The following FAM200A variants were observed in gnomAD, a reference collection of about 807,000 sequenced individuals.
FAM200A encodes the protein protein FAM200A.
A neutral mutation model predicts 44.2 loss-of-function variants in FAM200A; 26 were observed. That is an observed-to-expected ratio of 0.59 (90% confidence interval 0.43 to 0.82). The LOEUF is 0.82. Ranked by LOEUF, FAM200A falls within the 40% of genes least tolerant of loss-of-function variation. FAM200A has a pLI of 0.00. For synonymous variants in FAM200A, 206 were observed against 244.4 expected, an observed-to-expected ratio of 0.84 and a Z score of 1.47; for missense variants, 606 against 669.5, an observed-to-expected ratio of 0.91 and a Z score of 1.05.
In FAM200A at chr7:99,547,060, T is replaced by A. The variant is rs775568956; in HGVS notation, c.1348A>T (p.Ile450Phe). The A allele has an allele frequency of 1.3e-6, 2 of 1,545,838 alleles. No homozygotes were observed. The highest frequency in any genetic ancestry group is 1.7e-6 in the Non-Finnish European group (2 of 1,145,722). The change falls in exon 2 of 2, where the codon ATT (isoleucine) becomes TTT (phenylalanine). Residue 450 changes from isoleucine to phenylalanine, a missense_variant. Physicochemically the swap from Ile to Phe is conservative, Grantham distance 21 (BLOSUM62 0). Coordinates refer to ENST00000449309, the MANE Select transcript of FAM200A (RefSeq NM_145111.4). ...EEKFESLKEN[I>F]WMKDPFAFQN... ...AAAGCAAATGGATCTTTCATCCAAA[T>A]ATTTTCCTTTAATGATTCAAATTTC...
chr7:99,547,092 G>A lies in FAM200A; in HGVS notation c.1316C>T (p.Pro439Leu), dbSNP rs780218510. Residue 439 changes from proline to leucine, a missense_variant, in exon 2 of 2, where the codon CCG becomes CTG. Physicochemically the swap from Pro to Leu is moderately conservative, Grantham distance 98. Transcript: ENST00000449309. ...SLSQTFNYYF[P>L]EEKFESLKEN... is the part of the protein sequence containing the mutation. ...CTTTAATGATTCAAATTTCTCTTCC[G>A]GAAAGTAATAATTAAAAGTTTGAGA... The A allele has an allele frequency of 2.9e-5, 45 of 1,546,476 alleles. No individual in the cohort carries two copies. Among genetic ancestry groups the A allele is most frequent in the Non-Finnish European group, 3.7e-5 (42 of 1,145,768 alleles).
At position 99,547,074 on chromosome 7, in the gene FAM200A, G is replaced by T; in HGVS notation, c.1334C>A (p.Ser445Ter). The T allele has an allele frequency of 6.5e-7, 1 of 1,546,438 alleles. No homozygotes were observed. The change falls in exon 2 of 2, where the codon TCA becomes TAA. Residue 445 changes from serine to a stop codon, truncating the protein, a stop_gained. Coordinates refer to ENST00000449309, the MANE Select transcript of FAM200A (RefSeq NM_145111.4). LOFTEE classifies it high-confidence loss of function. Reference protein sequence around the residue: ...NYYFPEEKFESLKENIWMKDP... With the variant: ...NYYFPEEKFE ...TTTCATCCAAATATTTTCCTTTAAT[G>T]ATTCAAATTTCTCTTCCGGAAAGTA... is the stretch of plus-strand genomic sequence containing the variant.
Position 99,546,696 on chromosome 7 carries a change from G to A in FAM200A, c.1712C>T (p.Pro571Leu), listed in dbSNP as rs1244627882. ...WKELMNRQAH[P>L]SH ...TTGTAAAGTTTGTATTTAATGTGATGGGTGTGCTTGTCTGTTCATAAGTTC... is the reference window on the plus strand; with the variant it reads ...TTGTAAAGTTTGTATTTAATGTGATAGGTGTGCTTGTCTGTTCATAAGTTC... The change falls in exon 2 of 2, where the codon CCA (proline) becomes CTA (leucine). Residue 571 changes from proline (P) to leucine (L), a missense_variant. Physicochemically the swap from Pro to Leu is moderately conservative, Grantham distance 98 (BLOSUM62 -3). Coordinates refer to ENST00000449309, the MANE Select transcript of FAM200A (RefSeq NM_145111.4). 1.3e-6 allele frequency: 2 copies of A among 1,520,070 alleles called. No homozygotes were observed. Among genetic ancestry groups the A allele is most frequent in the Non-Finnish European group, 1.8e-6 (2 of 1,135,056 alleles). The allele number at this position is 1,520,070 out of a possible 1,614,324, so 94.2% of individuals were successfully genotyped here.
At chr7:99,554,246 TGAG>T (rs1802632906), upstream of FAM200A, among the ~76,000 whole-genome samples, 1 of 152,004 alleles carries the variant, frequency 6.6e-6, no homozygotes, top group Admixed American at 6.6e-5. Flanking sequence ...TTTGGGAGGC[TGAG>T]GTGGGTGGAT....
chr7:99,546,776 G>T lies in FAM200A; in HGVS notation c.1632C>A (p.Leu544=). Residue 544 remains leucine, a synonymous_variant, in exon 2 of 2, where the codon CTC becomes CTA. Coordinates refer to ENST00000449309, the MANE Select transcript of FAM200A (RefSeq NM_145111.4). ...TRLKTKKRNR[L]NSAPDMRVAL... is the part of the protein sequence containing the mutation. ...CTACCCGCATATCTGGTGCACTATT[G>T]AGCCTATTTCTCTTCTTTGTTTTTA... 6.4e-7 allele frequency: 1 copy of T among 1,551,564 alleles called. No homozygotes were observed. The highest frequency in any genetic ancestry group is 8.7e-7 in the Non-Finnish European group (1 of 1,146,966).
chr7:99,546,664 C>A lies in FAM200A; in HGVS notation c.*22G>T. 2 of 1,486,432 alleles carry A rather than the reference C, an allele frequency of 1.3e-6. No homozygotes were observed. Among genetic ancestry groups the A allele is most frequent in the Non-Finnish European group, 1.8e-6 (2 of 1,119,516 alleles). The allele number at this position is 1,486,432 out of a possible 1,614,324, so 92.1% of individuals were successfully genotyped here. ...GTAAGCCACCACACCTGGCTATACACAGAATTTTGTAAAGTTTGTATTTAA... is the reference window on the plus strand; with the variant it reads ...GTAAGCCACCACACCTGGCTATACAAAGAATTTTGTAAAGTTTGTATTTAA... On this transcript the variant is annotated 3_prime_UTR_variant, in exon 2 of 2. Transcript: ENST00000449309.
chr7:99,552,084 CCTGGCCTT>C lies in FAM200A; in HGVS notation c.-338_-331del. 1 of 985,508 alleles carries C rather than the reference CCTGGCCTT, an allele frequency of 1.0e-6. No homozygotes were observed. Among genetic ancestry groups the C allele is most frequent in the Middle Eastern group, 5.2e-4 (1 of 1,914 alleles). The allele number at this position is 985,508 out of a possible 1,614,324, so 61.0% of individuals were successfully genotyped here. A position where few individuals can be genotyped will look rare whatever the true frequency, so the allele number is the denominator to read the frequency against. ...GAGCACTAGACTCACATCCAAGCCC[CCTGGCCTT>C]CAGAGCCCAGGGAAAGCGTCACAAA... On this transcript the variant is annotated 5_prime_UTR_variant, in exon 1 of 2. Coordinates refer to ENST00000449309, the MANE Select transcript of FAM200A (RefSeq NM_145111.4).
chr7:99,552,166 G>T (rs564359238), upstream of FAM200A: 140 of 985,448 alleles, frequency 1.4e-4, no homozygotes, highest in Middle Eastern at 1.6e-3. Flanking sequence ...TCCGCTTCGG[G>T]GTCCTCTCTA....
At chr7:99,556,473 A>C (rs1802678538), upstream of FAM200A, among the ~76,000 whole-genome samples, 2 of 152,194 alleles carry the variant, frequency 1.3e-5, no homozygotes, top group Non-Finnish European at 2.9e-5. Flanking sequence ...ATTTATAAAA[A>C]ATCAGCTATT....
At chr7:99,557,657 G>A (rs1176100587) in intron 1 of FAM200A, among the ~76,000 whole-genome samples, 2 of 152,144 alleles carry the variant, frequency 1.3e-5, no homozygotes, top group Non-Finnish European at 2.9e-5. Context: ...AATTTAGGTT[G>A]GATAAATGAT....
upstream of FAM200A, among the ~76,000 whole-genome samples, chr7:99,555,474 G>A (rs568058374): frequency 7.8e-4 from 119 of 152,216 alleles, no homozygotes; most frequent in Non-Finnish European, 1.3e-3. Context: ...CCTAGCACAC[G>A]AATGCACACT....
Position 99,547,165 on chromosome 7 carries a change from A to G in FAM200A, c.1243T>C (p.Cys415Arg). Reference protein sequence around the residue: ...HIEENIINEDCLKEIKLEILL... With the variant: ...HIEENIINEDRLKEIKLEILL... ...ATCTCTAATTTTATTTCTTTTAAGC[A>G]GTCTTCATTAATAATGTTCTCTTCG... The change falls in exon 2 of 2, where the codon TGC becomes CGC. Residue 415 changes from cysteine (C) to arginine (R), a missense_variant. By Grantham distance (180) the Cys-to-Arg change is radical. Coordinates refer to ENST00000449309, the MANE Select transcript of FAM200A (RefSeq NM_145111.4). The G allele has an allele frequency of 1.3e-6, 2 of 1,546,808 alleles. No individual in the cohort carries two copies. Among genetic ancestry groups the G allele is most frequent in the African/African-American group, 2.7e-5 (2 of 72,888 alleles).
intron 1 of FAM200A, among the ~76,000 whole-genome samples, chr7:99,549,432 T>C (rs1017863782): frequency 2.6e-5 from 4 of 152,178 alleles, no homozygotes; most frequent in Admixed American, 2.6e-4. Context: ...GAAATAGGAA[T>C]ACTTTTACGT....
Position 99,547,712 on chromosome 7 carries a change from G to A in FAM200A, c.696C>T (p.Thr232=). The A allele has an allele frequency of 6.4e-7, 1 of 1,551,536 alleles. No individual in the cohort carries two copies. Among genetic ancestry groups the A allele is most frequent in the Non-Finnish European group, 8.7e-7 (1 of 1,146,954 alleles). The change falls in exon 2 of 2, where the codon ACC becomes ACT. Residue 232 remains threonine, a synonymous_variant. Transcript: ENST00000449309. The part of the protein sequence containing the change: ...SRLTEKLLEA[T]HNNAVWNHCF... ...AGTGATTCCAAACAGCATTGTTGTG[G>A]GTTGCTTCTAACAATTTTTCAGTAA... is the stretch of plus-strand genomic sequence containing the variant.
chr7:99,548,166 G>A lies in FAM200A; in HGVS notation c.242C>T (p.Ala81Val). The part of the protein sequence containing the change: ...VAKEKMAHTA[A>V]EKIILPACMD... The stretch of plus-strand genomic sequence containing the variant: ...ACATGCTGGAAGGATAATTTTTTCA[G>A]CCGCTGTGTGAGCCATTTTCTCTTT... The change falls in exon 2 of 2, where the codon GCT (alanine) becomes GTT (valine). Residue 81 changes from alanine (A) to valine (V), a missense_variant. Transcript: ENST00000449309. 1 of 1,552,756 alleles carries A rather than the reference G, an allele frequency of 6.4e-7. No homozygotes were observed. Among genetic ancestry groups the A allele is most frequent in the Non-Finnish European group, 8.7e-7 (1 of 1,147,406 alleles).
Position 99,547,784 on chromosome 7 carries a change from T to G in FAM200A, c.624A>C (p.Gly208=). The G allele has an allele frequency of 6.4e-7, 1 of 1,551,690 alleles. No individual in the cohort carries two copies. Among genetic ancestry groups the G allele is most frequent in the Non-Finnish European group, 8.7e-7 (1 of 1,146,990 alleles). Residue 208 remains glycine (G), a synonymous_variant, in exon 2 of 2, where the codon GGA becomes GGC. Transcript: ENST00000449309. ...TATTTGCTGTTCCATCACTTGAAATTCCTTTACAATGTTTCCAGTTTAATT... is the reference window on the plus strand; with the variant it reads ...TATTTGCTGTTCCATCACTTGAAATGCCTTTACAATGTTTCCAGTTTAATT... ...QYKLNWKHCK[G]ISSDGTANMT...
At chr7:99,553,031 G>GTA (rs902767357), upstream of FAM200A, among the ~76,000 whole-genome samples, 46 of 84,880 alleles carry the variant, frequency 5.4e-4, no homozygotes, top group South Asian at 3.3e-3. Flanking sequence ...ATATATACAT[G>GTA]TATATATATA....
At chr7:99,555,431 G>T (rs1489219260), upstream of FAM200A, among the ~76,000 whole-genome samples, 2 of 152,174 alleles carry the variant, frequency 1.3e-5, no homozygotes, top group African/African-American at 4.8e-5. Flanking sequence ...TGTTGTTTAA[G>T]CCACCCAGTT....
At chr7:99,552,822 G>A (rs1450168721), upstream of FAM200A, among the ~76,000 whole-genome samples, 1 of 151,792 alleles carries the variant, frequency 6.6e-6, no homozygotes, top group Admixed American at 6.6e-5. Flanking sequence ...ACGGCTACCT[G>A]ATACAGAGCC....
Sources: allele counts gnomAD v4.1 joint callset (sites outside exome capture counted in the v4.1 genomes callset), GRCh38; gene constraint gnomAD v4.1.1; transcripts MANE v1.5; gene names NCBI Gene and HGNC (gene_info 2026-07-23, HGNC 2026-07-21).